THAP8: variants seen among roughly 807,000 people sequenced by gnomAD.
THAP8 encodes THAP domain containing 8.
A neutral mutation model predicts 25.0 loss-of-function variants in THAP8; 24 were observed. The ratio of observed to expected loss-of-function variants is 0.96; its 90% CI spans 0.69 to 1.35. The LOEUF (loss-of-function observed/expected upper bound fraction) is 1.35, where lower values mean the gene tolerates loss of function less well. Among genes scored for constraint, THAP8 ranks in the 40% most tolerant of loss-of-function variants. The pLI is 0.00. For synonymous variants in THAP8, 169 were observed against 157.6 expected, an observed-to-expected ratio of 1.07 and a Z score of -0.54; for missense variants, 399 against 368.8, an observed-to-expected ratio of 1.08 and a Z score of -0.67.
rs942803740 is a variant in THAP8 at position 36,038,647 on chromosome 19, C to G, written c.672+676G>C. ...CAGGTGGATCACGAGGTGAGGAGAT[C>G]GAGACCATCCTGGCTAACACGGTGA... On this transcript the variant is annotated intron_variant, in intron 3 of 3. Transcript: ENST00000292894. Among the ~76,000 whole-genome samples, 5 of 152,118 alleles carry G rather than the reference C, an allele frequency of 3.3e-5. No homozygotes were observed. The East Asian group carries it at 9.6e-4, about 29-fold the overall frequency.
In THAP8 at chr19:36,039,347, C is replaced by T. The variant is rs1327780146; in HGVS notation, c.648G>A (p.Arg216=). Residue 216 remains arginine, a synonymous_variant, in exon 3 of 4, where the codon CGG becomes CGA. Coordinates refer to ENST00000292894, the MANE Select transcript of THAP8 (RefSeq NM_152658.3). ...CCAGGCGCTGCAGACCCCGGCGTGC[C>T]CGTGCCAGCAGGCTCTCCCCGTGTA... The part of the protein sequence containing the change: ...QQLHGESLLA[R]ARRGLQRLTT... 1.7e-5 allele frequency: 26 copies of T among 1,526,666 alleles called. No homozygotes were observed. Among genetic ancestry groups the T allele is most frequent in the Non-Finnish European group, 2.2e-5 (25 of 1,141,924 alleles). 94.6% of individuals were successfully genotyped at this position (1,526,666 alleles called of 1,614,324 possible).
At chr19:36,054,005 C>A in intron 1 of THAP8, 130 bp downstream of exon 1, 1 of 989,078 alleles carries the variant, frequency 1.0e-6, no homozygotes, top group Non-Finnish European at 1.5e-6. Context: ...AAGGCCATCT[C>A]CTCATGGTTT....
chr19:36,035,715 G>A, intron 3 of THAP8, 123 bp from the exon 4 acceptor site: 1 of 1,096,726 alleles, frequency 9.1e-7, no homozygotes, highest in Non-Finnish European at 1.3e-6. Context: ...AACAGAGAGA[G>A]ATGTGGGGAG....
chr19:36,050,192 C>T (rs1426614608), intron 1 of THAP8, among the ~76,000 whole-genome samples: 1 of 152,088 alleles, frequency 6.6e-6, no homozygotes, highest in Admixed American at 6.6e-5. Flanking sequence ...GTTGCCCAGG[C>T]TAGAGTACAG....
intron 1 of THAP8, among the ~76,000 whole-genome samples, chr19:36,049,373 AAAAG>A: frequency 6.6e-6 from 1 of 152,236 alleles, no homozygotes; most frequent in Non-Finnish European, 1.5e-5. Context: ...TCAAAAAAAA[AAAAG>A]AGAGAGTGAA....
At chr19:36,045,232 C>T (rs1357683569) in intron 1 of THAP8, among the ~76,000 whole-genome samples, 2 of 151,960 alleles carry the variant, frequency 1.3e-5, no homozygotes, top group Non-Finnish European at 2.9e-5. Flanking sequence ...GGACTACAGG[C>T]GCCCGCCACC....
In THAP8 at chr19:36,035,260, G is replaced by T; in HGVS notation, c.*180C>A. ...GGGATTGGGGGCTGATGAGAGACTT[G>T]GGCCCAGGTCACCCCTAAGGTTCAA... On this transcript the variant is annotated 3_prime_UTR_variant, in exon 4 of 4. Transcript: ENST00000292894. 2 of 720,312 alleles carry T rather than the reference G, an allele frequency of 2.8e-6. No homozygotes were observed. The highest frequency in any genetic ancestry group is 1.8e-5 in the African/African-American group (1 of 56,214). The allele number at this position is 720,312 out of a possible 1,614,324, so 44.6% of individuals were successfully genotyped here.
At chr19:36,043,372 G>C (rs187422875) in intron 1 of THAP8, among the ~76,000 whole-genome samples, 2 of 152,264 alleles carry the variant, frequency 1.3e-5, no homozygotes, top group African/African-American at 4.8e-5. Context: ...GACAGACAGT[G>C]GAATGGTGGT....
intron 1 of THAP8, 50 bp from the exon 2 acceptor site, chr19:36,040,186 T>C (rs745383011): frequency 2.6e-6 from 4 of 1,530,760 alleles, no homozygotes; most frequent in Non-Finnish European, 3.5e-6. Context: ...TTCAGACTTA[T>C]CCCTCCCAGA....
At chr19:36,046,459 G>A (rs535851376) in intron 1 of THAP8, among the ~76,000 whole-genome samples, 5 of 152,256 alleles carry the variant, frequency 3.3e-5, no homozygotes, top group African/African-American at 9.6e-5. Flanking sequence ...TGGGATGAAC[G>A]GAGATGGGGA....
chr19:36,047,764 AAGTTGCAGTG>A (rs971528059), intron 1 of THAP8, among the ~76,000 whole-genome samples: 1 of 152,010 alleles, frequency 6.6e-6, no homozygotes, highest in Non-Finnish European at 1.5e-5. Flanking sequence ...CAGGAGGTGG[AAGTTGCAGTG>A]AGCTGAGACT....
intron 1 of THAP8, among the ~76,000 whole-genome samples, chr19:36,046,473 C>G (rs1038928330): frequency 6.6e-6 from 1 of 152,084 alleles, no homozygotes; most frequent in Non-Finnish European, 1.5e-5. Flanking sequence ...ATGGGGAGAG[C>G]CAAGACTTCT....
chr19:36,040,584 C>T (rs1314932405), intron 1 of THAP8, among the ~76,000 whole-genome samples: 1 of 152,136 alleles, frequency 6.6e-6, no homozygotes. Flanking sequence ...ACCTTGGCCT[C>T]CCAAAGTGCT....
intron 3 of THAP8, among the ~76,000 whole-genome samples, chr19:36,037,289 C>A (rs1292317262): frequency 7.3e-6 from 1 of 137,480 alleles, no homozygotes; most frequent in East Asian, 2.2e-4. Context: ...CCTTCCTCAG[C>A]TTCCTCCCCT....
Position 36,039,343 on chromosome 19 carries a change from G to T in THAP8, c.652C>A (p.Arg218Ser), listed in dbSNP as rs535124177. 3.8e-5 allele frequency: 58 copies of T among 1,522,562 alleles called. No homozygotes were observed. The highest frequency in any genetic ancestry group is 5.1e-5 in the Non-Finnish European group (58 of 1,139,980). 94.3% of individuals were successfully genotyped at this position (1,522,562 alleles called of 1,614,324 possible). ...CTCACCAGGCGCTGCAGACCCCGGC[G>T]TGCCCGTGCCAGCAGGCTCTCCCCG... The part of the protein sequence containing the change: ...LHGESLLARA[R>S]RGLQRLTTAQ... Residue 218 changes from arginine to serine, a missense_variant, in exon 3 of 4, where the codon CGC becomes AGC. By Grantham distance (110) the Arg-to-Ser change is moderately radical. Coordinates refer to ENST00000292894, the MANE Select transcript of THAP8 (RefSeq NM_152658.3).
At chr19:36,037,429 G>A (rs1228748157) in intron 3 of THAP8, among the ~76,000 whole-genome samples, 2 of 151,814 alleles carry the variant, frequency 1.3e-5, no homozygotes, top group Non-Finnish European at 2.9e-5. Context: ...GGGCCTGGGG[G>A]ACACTATTAC....
At chr19:36,036,910 C>T (rs756749118) in intron 3 of THAP8, among the ~76,000 whole-genome samples, 167 of 144,264 alleles carry the variant, frequency 1.2e-3, no homozygotes, top group Non-Finnish European at 1.6e-3. Context: ...CACTCCACTC[C>T]AGCCTGGGCA....
chr19:36,039,326 G>C lies in THAP8; in HGVS notation c.669C>G (p.Arg223=), dbSNP rs552791190. 187 of 1,485,464 alleles carry C rather than the reference G, an allele frequency of 1.3e-4. No homozygotes were observed. The highest frequency in any genetic ancestry group is 1.6e-4 in the Non-Finnish European group (175 of 1,122,530). The allele number at this position is 1,485,464 out of a possible 1,614,324, so 92.0% of individuals were successfully genotyped here. A position where few individuals can be genotyped will look rare whatever the true frequency, so the allele number is the denominator to read the frequency against. The change falls in exon 3 of 4, where the codon CGC becomes CGG. Residue 223 remains arginine, a synonymous_variant. Transcript: ENST00000292894. ...LLARARRGLQ[R]LTTAQTLGPE... is the part of the protein sequence containing the mutation. ...GCCAGGCTGGGGTGCCACTCACCAG[G>C]CGCTGCAGACCCCGGCGTGCCCGTG...
intron 1 of THAP8, among the ~76,000 whole-genome samples, chr19:36,042,394 G>A (rs1049301238): frequency 7.9e-5 from 12 of 152,210 alleles, no homozygotes; most frequent in Non-Finnish European, 1.3e-4. Context: ...CACTTTGGGA[G>A]GCTGAGGTGG....
Sources: allele counts gnomAD v4.1 joint callset (sites outside exome capture counted in the v4.1 genomes callset), GRCh38; gene constraint gnomAD v4.1.1; transcripts MANE v1.5; gene names NCBI Gene and HGNC (gene_info 2026-07-23, HGNC 2026-07-21).